The following BDNF variants were observed in gnomAD, a reference collection of about 807,000 sequenced individuals.
The protein encoded by BDNF is neurotrophic factor BDNF precursor form.
In BDNF, 1 loss-of-function variant was observed where a neutral mutation model predicts 19.5. The ratio of observed to expected loss-of-function variants is 0.05; its 90% CI spans 0.02 to 0.24. BDNF has a LOEUF of 0.24. Ranked by LOEUF, BDNF falls within the 10% of genes least tolerant of loss-of-function variation. BDNF has a pLI of 1.00. For synonymous variants in BDNF, 100 were observed against 121.6 expected, an observed-to-expected ratio of 0.82 and a Z score of 1.17; for missense variants, 195 against 317.6, an observed-to-expected ratio of 0.61 and a Z score of 2.93.
intron 1 of BDNF, among the ~76,000 whole-genome samples, chr11:27,682,139 G>A (rs896184942): frequency 1.3e-5 from 2 of 152,024 alleles, no homozygotes; most frequent in African/African-American, 4.8e-5. Context: ...TGAAATAAAC[G>A]ATAAGTCTCT....
intron 1 of BDNF, among the ~76,000 whole-genome samples, chr11:27,695,855 C>G (rs1348158441): frequency 6.6e-6 from 1 of 151,916 alleles, no homozygotes; most frequent in Non-Finnish European, 1.5e-5. Context: ...TTTGTCTCAT[C>G]AAGAGGATAA....
At chr11:27,701,424 C>T, upstream of BDNF, 2 of 1,036,734 alleles carry the variant, frequency 1.9e-6, no homozygotes, top group Non-Finnish European at 2.3e-6. Context: ...GGAGGGGGCG[C>T]GAGTCTTTGG....
At chr11:27,711,277 G>A (rs1450122257) in intron 1 of BDNF, among the ~76,000 whole-genome samples, 3 of 152,168 alleles carry the variant, frequency 2.0e-5, no homozygotes, top group Non-Finnish European at 2.9e-5. Flanking sequence ...ACCATAGTGA[G>A]CTCAACAAAG....
Position 27,656,980 on chromosome 11 carries a change from A to C in BDNF, c.*841T>G, listed in dbSNP as rs77218393. ...GGAGGGGGGGAAAGAATGTGTTCTG[A>C]GCAAACATAGGTCCTTCCGTCAAAA... On this transcript the variant is annotated 3_prime_UTR_variant, in exon 2 of 2. Coordinates refer to ENST00000356660, the MANE Select transcript of BDNF (RefSeq NM_001709.5). 5.1e-4 allele frequency: 507 copies of C among 985,418 alleles called. 11 individuals are homozygous for C. In the East Asian group the frequency reaches 0.039, roughly 76 times the overall value. 61.0% of individuals were successfully genotyped at this position (985,418 alleles called of 1,614,324 possible).
At chr11:27,682,930 G>T (rs779445402) in intron 1 of BDNF, among the ~76,000 whole-genome samples, 1 of 152,126 alleles carries the variant, frequency 6.6e-6, no homozygotes, top group Non-Finnish European at 1.5e-5. Context: ...ACCCAGTAAT[G>T]GGATGGCTGG....
intron 1 of BDNF, among the ~76,000 whole-genome samples, chr11:27,691,613 G>A (rs1858305616): frequency 6.6e-6 from 1 of 152,146 alleles, no homozygotes; most frequent in Admixed American, 6.5e-5. Context: ...CAGTATGAGA[G>A]ATCACAAAGA....
intron 1 of BDNF, 30 bp downstream of exon 1, chr11:27,700,134 C>T: frequency 1.0e-6 from 1 of 986,128 alleles, no homozygotes; most frequent in Non-Finnish European, 1.2e-6. Context: ...GCAGCTCCTG[C>T]ACCAAGCCCC....
intron 1 of BDNF, chr11:27,659,629 C>CTCTGTG (rs149254890): frequency 1.4e-4 from 134 of 982,706 alleles, no homozygotes; most frequent in Middle Eastern, 5.3e-4. Flanking sequence ...GATGTTCTCT[C>CTCTGTG]TGTGTGTGTG....
chr11:27,715,342 C>A (rs924923504), intron 1 of BDNF, among the ~76,000 whole-genome samples: 2 of 152,140 alleles, frequency 1.3e-5, no homozygotes, highest in African/African-American at 2.4e-5. Flanking sequence ...GGCTAAGTGA[C>A]CTCTGAGAAC....
intron 1 of BDNF, among the ~76,000 whole-genome samples, chr11:27,661,417 C>T (rs543750143): frequency 6.6e-6 from 1 of 152,304 alleles, no homozygotes; most frequent in Admixed American, 6.5e-5. Flanking sequence ...CCTTCCAATC[C>T]AGTCAGTAAA....
At chr11:27,660,771 C>CAAAAAA (rs546450288) in intron 1 of BDNF, among the ~76,000 whole-genome samples, 1 of 96,054 alleles carries the variant, frequency 1.0e-5, no homozygotes. Context: ...AACTCCATCT[C>CAAAAAA]AAAAAAAAAA....
intron 1 of BDNF, among the ~76,000 whole-genome samples, chr11:27,710,589 C>T (rs1349930312): frequency 6.6e-6 from 1 of 152,194 alleles, no homozygotes; most frequent in Non-Finnish European, 1.5e-5. Flanking sequence ...TAGTCCCCAA[C>T]AGGGACTATA....
chr11:27,664,871 T>G (rs1377119422), intron 1 of BDNF, among the ~76,000 whole-genome samples: 1 of 152,110 alleles, frequency 6.6e-6, no homozygotes, highest in Non-Finnish European at 1.5e-5. Context: ...CTTGCCCTCA[T>G]CCTCTGCCTC....
chr11:27,720,040 G>A (rs546771951), intron 1 of BDNF, among the ~76,000 whole-genome samples: 1 of 152,060 alleles, frequency 6.6e-6, no homozygotes, highest in Non-Finnish European at 1.5e-5. Context: ...CACCAGCAAA[G>A]AGAACGGAAA....
chr11:27,685,523 C>T (rs961954634), intron 1 of BDNF, among the ~76,000 whole-genome samples: 7 of 152,174 alleles, frequency 4.6e-5, no homozygotes, highest in Non-Finnish European at 8.8e-5. Flanking sequence ...CCTGCTTTCT[C>T]CTGTGGGCAT....
chr11:27,700,676 C>T (rs1859829642), upstream of BDNF: 2 of 1,130,830 alleles, frequency 1.8e-6, no homozygotes, highest in Non-Finnish European at 1.1e-6. Context: ...CTGTCCTCAC[C>T]TCCTCCCCTA....
At chr11:27,696,240 T>A (rs1395645312) in intron 1 of BDNF, 1 of 152,202 alleles carries the variant, frequency 6.6e-6, no homozygotes, top group Non-Finnish European at 1.5e-5. Flanking sequence ...CACACATGAC[T>A]AAGCCTACAA....
At chr11:27,673,420 AG>A (rs1256306432) in intron 1 of BDNF, among the ~76,000 whole-genome samples, 1 of 152,150 alleles carries the variant, frequency 6.6e-6, no homozygotes, top group Non-Finnish European at 1.5e-5. Context: ...TACAAGAGAG[AG>A]AAAGAGAAAA....
chr11:27,697,160 C>CAG lies in BDNF; in HGVS notation c.-22+3003_-22+3004insCT, dbSNP rs1362364179. On this transcript the variant is annotated intron_variant, in intron 1 of 1. Transcript: ENST00000356660. ...ACGTGCACGCACACACACACACACA[C>CAG]ACACAGAGAGAGAGAGAGAGAGAGA... Among the ~76,000 whole-genome samples the CAG allele has an allele frequency of 1.6e-3, 186 of 117,908 alleles. 1 individual carries two copies. The highest frequency in any genetic ancestry group is 8.3e-3 in the East Asian group (30 of 3,624). 77.4% of individuals were successfully genotyped at this position (117,908 alleles called of 152,430 possible).
Sources: allele counts gnomAD v4.1 joint callset (sites outside exome capture counted in the v4.1 genomes callset), GRCh38; gene constraint gnomAD v4.1.1; transcripts MANE v1.5; gene names NCBI Gene and HGNC (gene_info 2026-07-23, HGNC 2026-07-21).